The following NPAS3 variants were observed in gnomAD, a reference collection of about 807,000 sequenced individuals.
NPAS3 encodes neuronal PAS domain protein 3.
A neutral mutation model predicts 73.1 loss-of-function variants in NPAS3; 14 were observed. The ratio of observed to expected loss-of-function variants is 0.19; its 90% CI spans 0.13 to 0.30. The LOEUF is 0.30. NPAS3 is among the 10% of genes least tolerant of loss of function. The pLI is 1.00. For synonymous variants in NPAS3, 620 were observed against 541.5 expected (o/e 1.14, Z -2.01); for missense variants, 1,096 against 1,250.0 (o/e 0.88, Z 1.86).
chr14:33,274,845 T>G (rs775163006), intron 3 of NPAS3, among the ~76,000 whole-genome samples: 3 of 152,194 alleles, frequency 2.0e-5, no homozygotes. Flanking sequence ...ATGCCAGGAC[T>G]CTAGCAACTT....
intron 2 of NPAS3, among the ~76,000 whole-genome samples, chr14:33,170,590 C>A (rs1425231213): frequency 2.6e-5 from 4 of 152,220 alleles, no homozygotes; most frequent in African/African-American, 9.6e-5. Context: ...GCAATCCTCT[C>A]AAATCCTGCT....
intron 2 of NPAS3, among the ~76,000 whole-genome samples, chr14:33,057,032 A>G (rs1033387763): frequency 2.6e-5 from 4 of 151,540 alleles, no homozygotes; most frequent in African/African-American, 9.7e-5. Context: ...TACTCCTCCA[A>G]CTGGTTGTAG....
At chr14:33,623,165 A>G (rs1488512544) in intron 5 of NPAS3, among the ~76,000 whole-genome samples, 5 of 152,192 alleles carry the variant, frequency 3.3e-5, no homozygotes, top group African/African-American at 1.2e-4. Flanking sequence ...GATCCATCCA[A>G]CTATAAAGTG....
intron 7 of NPAS3, among the ~76,000 whole-genome samples, chr14:33,773,904 G>A (rs2062731780): frequency 1.3e-5 from 2 of 152,208 alleles, no homozygotes; most frequent in Non-Finnish European, 2.9e-5. Flanking sequence ...CTGAACGAAG[G>A]AGGGCTCAGA....
At chr14:33,162,737 A>G (rs1441780599) in intron 2 of NPAS3, among the ~76,000 whole-genome samples, 1 of 151,454 alleles carries the variant, frequency 6.6e-6, no homozygotes, top group Admixed American at 6.6e-5. Flanking sequence ...GCTTGACAGA[A>G]CCTCCTCTCT....
chr14:33,064,118 C>G (rs2041201196), intron 2 of NPAS3, among the ~76,000 whole-genome samples: 1 of 151,872 alleles, frequency 6.6e-6, no homozygotes, highest in Non-Finnish European at 1.5e-5. Context: ...TTCAGGATAT[C>G]TATTAAAAGA....
intron 4 of NPAS3, among the ~76,000 whole-genome samples, chr14:33,495,792 T>C (rs1235865056): frequency 6.6e-6 from 1 of 152,108 alleles, no homozygotes; most frequent in African/African-American, 2.4e-5. Context: ...AGACTAGGAT[T>C]GCAACCTCTA....
At chr14:33,293,533 G>C (rs1165223372) in intron 3 of NPAS3, among the ~76,000 whole-genome samples, 1 of 152,084 alleles carries the variant, frequency 6.6e-6, no homozygotes, top group Non-Finnish European at 1.5e-5. Context: ...CACTTAGGAT[G>C]GTAACCAGTT....
At chr14:33,189,553 C>T (rs977848244) in intron 2 of NPAS3, among the ~76,000 whole-genome samples, 8 of 152,084 alleles carry the variant, frequency 5.3e-5, no homozygotes, top group South Asian at 2.1e-4. Context: ...TACCTTAGAA[C>T]ACAAAAGAAG....
intron 7 of NPAS3, among the ~76,000 whole-genome samples, chr14:33,738,436 C>A (rs1277133319): frequency 6.6e-6 from 1 of 152,128 alleles, no homozygotes; most frequent in Non-Finnish European, 1.5e-5. Flanking sequence ...CCCTCTGGGG[C>A]TCACCGTATC....
chr14:33,728,233 C>T (rs1276441053), intron 6 of NPAS3, among the ~76,000 whole-genome samples: 1 of 152,222 alleles, frequency 6.6e-6, no homozygotes, highest in East Asian at 1.9e-4. Context: ...TCATTCGAGA[C>T]AGGCCAGATA....
In NPAS3 at chr14:33,800,044, C is replaced by A; in HGVS notation, c.1737C>A (p.Ser579Arg). ...ACTGCGAGTCACTCACGTCCGACAG[C>A]GCCAAGGACTCGGACAGCGCAGGCG... Residue 579 changes from serine (S) to arginine (R), a missense_variant, in exon 12 of 12, where the codon AGC (serine) becomes AGA (arginine). Physicochemically the swap from Ser to Arg is moderately radical, Grantham distance 110. Around this residue, in one of 5 missense-constraint regions of NPAS3, gnomAD observed 698 missense variants for 676.7 expected, o/e 1.03. Coordinates refer to ENST00000356141, the Ensembl canonical transcript of NPAS3. This position sits in a 1 kb window ranked among gnomAD's most constrained non-coding sequence, Gnocchi z 6.5. 1.9e-6 allele frequency: 3 copies of A among 1,608,528 alleles called. No individual in the cohort carries two copies. Among genetic ancestry groups the A allele is most frequent in the African/African-American group, 1.3e-5 (1 of 75,028 alleles).
intron 2 of NPAS3, among the ~76,000 whole-genome samples, chr14:33,097,818 T>G (rs1039648005): frequency 2.6e-5 from 4 of 151,562 alleles, no homozygotes; most frequent in Non-Finnish European, 5.9e-5. Context: ...GAAGCACCTT[T>G]TCGTGTGTTT....
intron 3 of NPAS3, among the ~76,000 whole-genome samples, chr14:33,279,938 C>A (rs2041520134): frequency 6.6e-6 from 1 of 152,036 alleles, no homozygotes; most frequent in African/African-American, 2.4e-5. Context: ...GCCTGTGAGA[C>A]CCAAAGATAG....
At chr14:33,575,221 C>G (rs900719650) in intron 5 of NPAS3, among the ~76,000 whole-genome samples, 3 of 152,160 alleles carry the variant, frequency 2.0e-5, no homozygotes, top group African/African-American at 7.2e-5. Context: ...GTATGGTCTC[C>G]TGCCCATTAG....
At chr14:33,399,822 G>C (rs571425980) in intron 4 of NPAS3, among the ~76,000 whole-genome samples, 1 of 152,202 alleles carries the variant, frequency 6.6e-6, no homozygotes, top group East Asian at 1.9e-4. Flanking sequence ...TAGTGTTTAA[G>C]AGTGTGGATT....
At chr14:33,410,407 C>A (rs1479695282) in intron 4 of NPAS3, among the ~76,000 whole-genome samples, 2 of 152,190 alleles carry the variant, frequency 1.3e-5, no homozygotes, top group Admixed American at 6.5e-5. Context: ...GCTGCCTACT[C>A]CTAAATTGTC....
chr14:33,246,641 G>A (rs1196818076), intron 3 of NPAS3, among the ~76,000 whole-genome samples: 1 of 150,916 alleles, frequency 6.6e-6, no homozygotes, highest in Non-Finnish European at 1.5e-5. Context: ...AAGTTGGTCT[G>A]ACAAAGTTCT....
intron 5 of NPAS3, among the ~76,000 whole-genome samples, chr14:33,612,238 G>T (rs375801982): frequency 4.6e-5 from 7 of 152,326 alleles, no homozygotes; most frequent in African/African-American, 1.7e-4. Flanking sequence ...AACAGCTCTT[G>T]TTGAATCTGG....
Sources: allele counts gnomAD v4.1 joint callset (sites outside exome capture counted in the v4.1 genomes callset), GRCh38; gene constraint gnomAD v4.1.1; regional missense constraint gnomAD v4.1.1; non-coding constraint Gnocchi (gnomAD v3.1); transcripts MANE v1.5; gene names NCBI Gene and HGNC (gene_info 2026-07-23, HGNC 2026-07-21).